ZNF865: variants seen among roughly 807,000 people sequenced by gnomAD.
ZNF865 encodes the protein zinc finger protein 865.
For missense variants in ZNF865, 1,311 were observed against 1,593.4 expected (o/e 0.82, Z 3.02); for synonymous variants, 763 against 750.8 (o/e 1.02, Z -0.27).
Position 55,615,872 on chromosome 19 carries a change from G to A in ZNF865, c.2254G>A (p.Gly752Arg). 6.8e-7 allele frequency: 1 copy of A among 1,479,478 alleles called. No homozygotes were observed. Among genetic ancestry groups the A allele is most frequent in the Non-Finnish European group, 8.9e-7 (1 of 1,122,922 alleles). 91.6% of individuals were successfully genotyped at this position (1,479,478 alleles called of 1,614,324 possible). The change falls in exon 2 of 2, where the codon GGG becomes AGG. Residue 752 changes from glycine (G) to arginine (R), a missense_variant. Coordinates refer to ENST00000568956, the MANE Select transcript of ZNF865 (RefSeq NM_001195605.2). ...GTDAASVLDN[G>R]LAGEVGAAVA... Reference sequence around the variant, plus strand: ...GGATGCGGCCAGCGTGCTGGACAACGGGCTGGCGGGGGAGGTGGGGGCGGC... The same window carrying A: ...GGATGCGGCCAGCGTGCTGGACAACAGGCTGGCGGGGGAGGTGGGGGCGGC...
At chr19:55,607,780 G>T (rs940917204) in intron 1 of ZNF865, among the ~76,000 whole-genome samples, 2 of 152,116 alleles carry the variant, frequency 1.3e-5, no homozygotes, top group Non-Finnish European at 2.9e-5. Flanking sequence ...TCTTAACAGC[G>T]CCCTAACCCC....
chr19:55,606,457 A>G (rs1980946183), intron 1 of ZNF865, among the ~76,000 whole-genome samples: 1 of 152,008 alleles, frequency 6.6e-6, no homozygotes, highest in Non-Finnish European at 1.5e-5. Flanking sequence ...CCAGGCTCCC[A>G]TGACATACTC....
In ZNF865 at chr19:55,613,998, C is replaced by G; in HGVS notation, c.380C>G (p.Pro127Arg). The G allele has an allele frequency of 6.6e-7, 1 of 1,516,594 alleles. No individual in the cohort carries two copies. Among genetic ancestry groups the G allele is most frequent in the Non-Finnish European group, 8.8e-7 (1 of 1,136,432 alleles). 93.9% of individuals were successfully genotyped at this position (1,516,594 alleles called of 1,614,324 possible). Residue 127 changes from proline to arginine, a missense_variant, in exon 2 of 2, where the codon CCG becomes CGG. Transcript: ENST00000568956. ...SQAKKPDPPL[P>R]PAFGAPPPPL... Reference sequence around the variant, plus strand: ...GCCAAGAAGCCCGATCCGCCCCTGCCGCCCGCCTTCGGGGCGCCCCCTCCT... The same window carrying G: ...GCCAAGAAGCCCGATCCGCCCCTGCGGCCCGCCTTCGGGGCGCCCCCTCCT...
intron 1 of ZNF865, among the ~76,000 whole-genome samples, chr19:55,612,015 A>G (rs1484540910): frequency 6.6e-6 from 1 of 151,888 alleles, no homozygotes; most frequent in Admixed American, 6.6e-5. Flanking sequence ...GGGCAAGGAC[A>G]TGGGGGGGTC....
chr19:55,614,488 C>A lies in ZNF865; in HGVS notation c.870C>A (p.His290Gln), dbSNP rs1242018002. 49 of 1,361,816 alleles carry A rather than the reference C, an allele frequency of 3.6e-5. No homozygotes were observed. In the East Asian group the frequency reaches 1.6e-3, roughly 44 times the overall value. 84.4% of individuals were successfully genotyped at this position (1,361,816 alleles called of 1,614,324 possible). The change falls in exon 2 of 2, where the codon CAC (histidine) becomes CAA (glutamine). Residue 290 changes from histidine to glutamine, a missense_variant. His to Gln is a conservative substitution (Grantham distance 24). Transcript: ENST00000568956. The surrounding 1 kb of genome is among the most constrained non-coding windows in gnomAD (Gnocchi z 8.0). ...GGGGCCCGCCCCAGCCCGGCCCCCA[C>A]CTCCCGCCGCTGGGCCTCCCAGCAC... ...AAGGPPQPGP[H>Q]LPPLGLPAPA...
Position 55,614,850 on chromosome 19 carries a change from T to C in ZNF865, c.1232T>C (p.Ile411Thr). ...GACCTCCTGCGCCTGCCCTGCGGCA[T>C]CTGCGGGAAGGCCTTCCGCGACGCC... is the stretch of plus-strand genomic sequence containing the variant. The part of the protein sequence containing the change: ...SADLLRLPCG[I>T]CGKAFRDASY... Residue 411 changes from isoleucine (I) to threonine (T), a missense_variant, in exon 2 of 2, where the codon ATC (isoleucine) becomes ACC (threonine). Ile to Thr is a moderately conservative substitution (Grantham distance 89). Coordinates refer to ENST00000568956, the MANE Select transcript of ZNF865 (RefSeq NM_001195605.2). This position sits in a 1 kb window ranked among gnomAD's most constrained non-coding sequence, Gnocchi z 8.0. 1.3e-6 allele frequency: 2 copies of C among 1,528,040 alleles called. No homozygotes were observed. Among genetic ancestry groups the C allele is most frequent in the East Asian group, 4.9e-5 (2 of 40,476 alleles). 94.7% of individuals were successfully genotyped at this position (1,528,040 alleles called of 1,614,324 possible).
intron 1 of ZNF865, among the ~76,000 whole-genome samples, chr19:55,606,403 C>T (rs1328074899): frequency 6.6e-6 from 1 of 152,212 alleles, no homozygotes; most frequent in Non-Finnish European, 1.5e-5. Context: ...CCTTCACACT[C>T]ACATCCTCTC....
In ZNF865 at chr19:55,617,113, C is replaced by T. The variant is rs966630568; in HGVS notation, c.*315C>T. 6.5e-5 allele frequency: 17 copies of T among 260,508 alleles called. No individual in the cohort carries two copies. The highest frequency in any genetic ancestry group is 1.1e-4 in the Non-Finnish European group (15 of 138,238). 16.1% of individuals were successfully genotyped at this position (260,508 alleles called of 1,614,324 possible). A position where few individuals can be genotyped will look rare whatever the true frequency, so the allele number is the denominator to read the frequency against. On this transcript the variant is annotated 3_prime_UTR_variant, in exon 2 of 2. Transcript: ENST00000568956. ...TGGCGGAGATGGGTCTGAACCGCCC[C>T]TCCCCCTCCTTTGGAATCTGGCTGG...
Position 55,611,141 on chromosome 19 carries a change from C to T in ZNF865, c.-26-2452C>T, listed in dbSNP as rs933199041. Among the ~76,000 whole-genome samples the T allele has an allele frequency of 6.6e-6, 1 of 152,176 alleles. No homozygotes were observed. Among genetic ancestry groups the T allele is most frequent in the South Asian group, 2.1e-4 (1 of 4,838 alleles). On this transcript the variant is annotated intron_variant, in intron 1 of 1. Coordinates refer to ENST00000568956, the MANE Select transcript of ZNF865 (RefSeq NM_001195605.2). The surrounding 1 kb of genome is among the most constrained non-coding windows in gnomAD (Gnocchi z 4.5). Reference sequence around the variant, plus strand: ...ACCATGGCAACTCACTTTGCCTCTCCATGCCTTAGTTTTCTAATTTATCCA... The same window carrying T: ...ACCATGGCAACTCACTTTGCCTCTCTATGCCTTAGTTTTCTAATTTATCCA...
Position 55,615,169 on chromosome 19 carries a change from T to C in ZNF865, c.1551T>C (p.Ala517=), listed in dbSNP as rs1981306012. The C allele has an allele frequency of 2.2e-6, 3 of 1,360,572 alleles. No individual in the cohort carries two copies. The highest frequency in any genetic ancestry group is 1.9e-6 in the Non-Finnish European group (2 of 1,066,428). The allele number at this position is 1,360,572 out of a possible 1,614,324, so 84.3% of individuals were successfully genotyped here. The change falls in exon 2 of 2, where the codon GCT becomes GCC. Residue 517 remains alanine (A), a synonymous_variant. Coordinates refer to ENST00000568956, the MANE Select transcript of ZNF865 (RefSeq NM_001195605.2). The stretch of plus-strand genomic sequence containing the variant: ...CCGCGGCGGCGGTGGTGTACGGCGC[T>C]GTGCCCGTCCCGCTCCTGGGCGCCC... ...AAAAAAVVYG[A]VPVPLLGAHP...
In ZNF865 at chr19:55,614,899, G is replaced by A. The variant is rs1369830941; in HGVS notation, c.1281G>A (p.Ala427=). Residue 427 remains alanine (A), a synonymous_variant, in exon 2 of 2, where the codon GCG becomes GCA. Transcript: ENST00000568956. This position sits in a 1 kb window ranked among gnomAD's most constrained non-coding sequence, Gnocchi z 8.0. ...CCTCCTACCTCCTCAAGCACCAGGC[G>A]GCCCACGCGGGGGCGGGCGCCGGGG... ...RDASYLLKHQ[A]AHAGAGAGGP... 7.4e-6 allele frequency: 11 copies of A among 1,493,264 alleles called. No homozygotes were observed. The highest frequency in any genetic ancestry group is 9.8e-6 in the Non-Finnish European group (11 of 1,126,186). The allele number at this position is 1,493,264 out of a possible 1,614,324, so 92.5% of individuals were successfully genotyped here.
In ZNF865 at chr19:55,614,578, C is replaced by G. The variant is rs2280254; in HGVS notation, c.960C>G (p.Pro320=). 6 of 1,508,104 alleles carry G rather than the reference C, an allele frequency of 4.0e-6. No individual in the cohort carries two copies. The highest frequency in any genetic ancestry group is 1.4e-5 in the African/African-American group (1 of 70,656). 93.4% of individuals were successfully genotyped at this position (1,508,104 alleles called of 1,614,324 possible). The change falls in exon 2 of 2, where the codon CCC becomes CCG. Residue 320 remains proline (P), a synonymous_variant. Coordinates refer to ENST00000568956, the MANE Select transcript of ZNF865 (RefSeq NM_001195605.2). This position sits in a 1 kb window ranked among gnomAD's most constrained non-coding sequence, Gnocchi z 8.0. ...STVSSGPPAT[P]VAPAPSADGS... ...TGTCCTCGGGCCCTCCAGCCACGCC[C>G]GTGGCGCCTGCCCCCTCCGCAGACG...
At chr19:55,606,890 T>C (rs1980963381) in intron 1 of ZNF865, among the ~76,000 whole-genome samples, 1 of 152,080 alleles carries the variant, frequency 6.6e-6, no homozygotes, top group South Asian at 2.1e-4. Context: ...ATGAACTACT[T>C]TAGAGGTGAA....
chr19:55,616,025 C>T lies in ZNF865; in HGVS notation c.2407C>T (p.His803Tyr), dbSNP rs1047984251. 2.8e-5 allele frequency: 42 copies of T among 1,526,724 alleles called. No individual in the cohort carries two copies. The highest frequency in any genetic ancestry group is 3.5e-5 in the Non-Finnish European group (40 of 1,143,092). 94.6% of individuals were successfully genotyped at this position (1,526,724 alleles called of 1,614,324 possible). ...SCATCGQSFKHFLGLVTHKYV... is the reference protein window; with the variant it reads ...SCATCGQSFKYFLGLVTHKYV... ...TGCCACGTGCGGCCAGAGTTTCAAG[C>T]ACTTCCTGGGCCTCGTGACTCACAA... The change falls in exon 2 of 2, where the codon CAC becomes TAC. Residue 803 changes from histidine to tyrosine, a missense_variant. His to Tyr is a moderately conservative substitution (Grantham distance 83). Coordinates refer to ENST00000568956, the MANE Select transcript of ZNF865 (RefSeq NM_001195605.2).
Position 55,616,863 on chromosome 19 carries a change from T to C in ZNF865, c.*65T>C. On this transcript the variant is annotated 3_prime_UTR_variant, in exon 2 of 2. Coordinates refer to ENST00000568956, the MANE Select transcript of ZNF865 (RefSeq NM_001195605.2). Reference sequence around the variant, plus strand: ...CTGGACTCCCACCTCCCAGGACTGATCAGACTCTTCCCCCCTCCTCGCTGT... The same window carrying C: ...CTGGACTCCCACCTCCCAGGACTGACCAGACTCTTCCCCCCTCCTCGCTGT... The C allele has an allele frequency of 2.2e-6, 3 of 1,392,938 alleles. No individual in the cohort carries two copies. Among genetic ancestry groups the C allele is most frequent in the Non-Finnish European group, 2.8e-6 (3 of 1,072,214 alleles). The allele number at this position is 1,392,938 out of a possible 1,614,324, so 86.3% of individuals were successfully genotyped here.
In ZNF865 at chr19:55,615,564, C is replaced by T. The variant is rs183100480; in HGVS notation, c.1946C>T (p.Pro649Leu). The change falls in exon 2 of 2, where the codon CCG becomes CTG. Residue 649 changes from proline (P) to leucine (L), a missense_variant. Pro to Leu is a moderately conservative substitution (Grantham distance 98, BLOSUM62 -3). Transcript: ENST00000568956. ...GGCCTCCCCTCCACCCAAGGCACAC[C>T]GGGGGCCTGTGGGCCCGGGGCCTCG... The part of the protein sequence containing the change: ...AAGLPSTQGT[P>L]GACGPGASGT... The T allele has an allele frequency of 1.1e-5, 17 of 1,527,086 alleles. No individual in the cohort carries two copies. The highest frequency in any genetic ancestry group is 4.9e-5 in the East Asian group (2 of 40,516). The allele number at this position is 1,527,086 out of a possible 1,614,324, so 94.6% of individuals were successfully genotyped here.
rs1981297320 is a variant in ZNF865, at chr19:55,615,049, G to A, written c.1431G>A (p.Ala477=). 8.0e-7 allele frequency: 1 copy of A among 1,252,426 alleles called. No individual in the cohort carries two copies. The highest frequency in any genetic ancestry group is 1.0e-6 in the Non-Finnish European group (1 of 997,534). The allele number at this position is 1,252,426 out of a possible 1,614,324, so 77.6% of individuals were successfully genotyped here. Residue 477 remains alanine (A), a synonymous_variant, in exon 2 of 2, where the codon GCG becomes GCA. Transcript: ENST00000568956. ...CTGCGGAGGCGCCCAAGGACGGGGC[G>A]GCCTCGGCCCCGCAGCCCCCGCCCA... ...AAAAEAPKDG[A]ASAPQPPPTF... is the part of the protein sequence containing the mutation.
chr19:55,614,923 G>A lies in ZNF865; in HGVS notation c.1305G>A (p.Gly435=). ...CGGCCCACGCGGGGGCGGGCGCCGGGGGGCCTCGGCCCGTGTACCCCTGCG... is the reference window on the plus strand; with the variant it reads ...CGGCCCACGCGGGGGCGGGCGCCGGAGGGCCTCGGCCCGTGTACCCCTGCG... ...HQAAHAGAGA[G]GPRPVYPCDL... Residue 435 remains glycine, a synonymous_variant, in exon 2 of 2, where the codon GGG becomes GGA. Transcript: ENST00000568956. The surrounding 1 kb of genome is among the most constrained non-coding windows in gnomAD (Gnocchi z 8.0). 1.3e-6 allele frequency: 2 copies of A among 1,485,958 alleles called. No homozygotes were observed. The highest frequency in any genetic ancestry group is 2.5e-5 in the East Asian group (1 of 39,770). 92.0% of individuals were successfully genotyped at this position (1,485,958 alleles called of 1,614,324 possible). A position where few individuals can be genotyped will look rare whatever the true frequency, so the allele number is the denominator to read the frequency against.
In ZNF865 at chr19:55,615,530, G is replaced by A. The variant is rs762306283; in HGVS notation, c.1912G>A (p.Gly638Arg). 12 of 1,504,980 alleles carry A rather than the reference G, an allele frequency of 8.0e-6. No individual in the cohort carries two copies. Among genetic ancestry groups the A allele is most frequent in the Non-Finnish European group, 9.7e-6 (11 of 1,133,178 alleles). 93.2% of individuals were successfully genotyped at this position (1,504,980 alleles called of 1,614,324 possible). The part of the protein sequence containing the change: ...HRLQLPCALA[G>R]AAGLPSTQGT... ...GCTCCAGCTGCCCTGCGCCCTGGCC[G>A]GGGCAGCCGGCCTCCCCTCCACCCA... The change falls in exon 2 of 2, where the codon GGG (glycine) becomes AGG (arginine). Residue 638 changes from glycine (G) to arginine (R), a missense_variant. Gly to Arg is a moderately radical substitution (Grantham distance 125, BLOSUM62 -2). Coordinates refer to ENST00000568956, the MANE Select transcript of ZNF865 (RefSeq NM_001195605.2).
Sources: gnomAD v4.1 joint callset for allele counts (sites outside exome capture counted in the v4.1 genomes callset) on GRCh38, gnomAD v4.1.1 for gene constraint, Gnocchi (gnomAD v3.1) non-coding constraint, MANE v1.5 for transcripts, NCBI Gene and HGNC (gene_info 2026-07-23, HGNC 2026-07-21) for gene names.